Variants in ABCF1 observed in about 807,000 individuals in gnomAD.
ABCF1 encodes ATP binding cassette subfamily F member 1.
A neutral mutation model predicts 126.3 loss-of-function variants in ABCF1; 73 were observed. That is an observed-to-expected ratio of 0.58 (90% CI 0.48 to 0.70). The LOEUF (loss-of-function observed/expected upper bound fraction) is 0.70, where lower values mean the gene tolerates loss of function less well. Among genes scored for constraint, ABCF1 ranks in the 30% least tolerant of loss-of-function variants. ABCF1 has a pLI of 0.00. For missense variants in ABCF1, 786 were observed against 1,057.5 expected (o/e 0.74, Z 3.56); for synonymous variants, 345 against 396.4 (o/e 0.87, Z 1.54).
intron 6 of ABCF1, among the ~76,000 whole-genome samples, chr6:30,579,021 A>G (rs985129588): frequency 1.3e-5 from 2 of 151,992 alleles, no homozygotes; most frequent in East Asian, 1.9e-4. Context: ...AACAAAAAAA[A>G]CCATGCCATT....
intron 8 of ABCF1, 142 bp from the exon 9 acceptor site, chr6:30,582,252 T>G (rs1477604546): frequency 3.4e-6 from 2 of 583,022 alleles, no homozygotes; most frequent in Non-Finnish European, 6.2e-6. Context: ...GAGATGGGGT[T>G]TCACCATGTT....
intron 6 of ABCF1, among the ~76,000 whole-genome samples, chr6:30,579,565 C>A (rs1801696717): frequency 6.8e-6 from 1 of 146,554 alleles, no homozygotes; most frequent in Non-Finnish European, 1.5e-5. Context: ...TCAAGTGATT[C>A]TCCTGCCTCA....
chr6:30,586,514 G>GATAA lies in ABCF1; in HGVS notation c.1927_1928insTAAA (p.Asn643IlefsTer19). On this transcript the variant is annotated frameshift_variant, in exon 19 of 25. Coordinates refer to ENST00000326195, the MANE Select transcript of ABCF1 (RefSeq NM_001025091.2). LOFTEE classifies it high-confidence loss of function. The surrounding 1 kb of genome is among the most constrained non-coding windows in gnomAD (Gnocchi z 4.9). ...ACCAGGGACAGAAACCACTCTTTAAGAACTTGGATTTTGGCATCGACATGG... is the reference window on the plus strand; with the variant it reads ...ACCAGGGACAGAAACCACTCTTTAAGATAAAACTTGGATTTTGGCATCGACATGG... 3 of 1,613,410 alleles carry GATAA rather than the reference G, an allele frequency of 1.9e-6. No homozygotes were observed. Among genetic ancestry groups the GATAA allele is most frequent in the Non-Finnish European group, 2.5e-6 (3 of 1,180,044 alleles).
At chr6:30,585,531 A>G in intron 15 of ABCF1, 27 bp from the exon 16 acceptor site, 2 of 1,612,252 alleles carry the variant, frequency 1.2e-6, no homozygotes, top group Non-Finnish European at 8.5e-7. Context: ...CCACTGTGAC[A>G]CTTACACCCT....
Position 30,591,327 on chromosome 6 carries a change from G to C in ABCF1, c.*626G>C, listed in dbSNP as rs1465092534. Reference sequence around the variant, plus strand: ...GTTGCTGCCGACCTGTCACTGTTTGGAGATTGATGGGAGTTGGAACTGTTC... The same window carrying C: ...GTTGCTGCCGACCTGTCACTGTTTGCAGATTGATGGGAGTTGGAACTGTTC... On this transcript the variant is annotated 3_prime_UTR_variant, in exon 25 of 25. Transcript: ENST00000326195. The C allele has an allele frequency of 6.6e-6, 1 of 152,248 alleles. No homozygotes were observed. Among genetic ancestry groups the C allele is most frequent in the Non-Finnish European group, 1.5e-5 (1 of 68,092 alleles). 9.4% of individuals were successfully genotyped at this position (152,248 alleles called of 1,614,324 possible). A position where few individuals can be genotyped will look rare whatever the true frequency, so the allele number is the denominator to read the frequency against.
chr6:30,589,356 T>C, intron 20 of ABCF1: 1 of 370,218 alleles, frequency 2.7e-6, no homozygotes, highest in Non-Finnish European at 4.9e-6. Flanking sequence ...CTGGTGTTTG[T>C]CTCTCCTTCA....
In ABCF1 at chr6:30,586,322, T is replaced by C. The variant is rs775680418; in HGVS notation, c.1885+17T>C. ...GTCTGCATGGTGAGTGCCGCGGGCC[T>C]CTGCTGCTCCACAGGAAGCACCGGA... On this transcript the variant is annotated intron_variant, in intron 18 of 24. Transcript: ENST00000326195. The surrounding 1 kb of genome is among the most constrained non-coding windows in gnomAD (Gnocchi z 4.9). 1.2e-6 allele frequency: 2 copies of C among 1,601,092 alleles called. No homozygotes were observed. The highest frequency in any genetic ancestry group is 1.7e-6 in the Non-Finnish European group (2 of 1,173,286).
In ABCF1 at chr6:30,583,044, G is replaced by A. The variant is rs1319705373; in HGVS notation, c.793-22G>A. 6.3e-7 allele frequency: 1 copy of A among 1,595,838 alleles called. No individual in the cohort carries two copies. Among genetic ancestry groups the A allele is most frequent in the South Asian group, 1.1e-5 (1 of 90,534 alleles). ...AAACTGGTAGACTGTGGCTTCAAAT[G>A]TAGTTTTTCCTACCTTCTCAGATGG... is the stretch of plus-strand genomic sequence containing the variant. On this transcript the variant is annotated intron_variant, in intron 9 of 24. Transcript: ENST00000326195. This position sits in a 1 kb window ranked among gnomAD's most constrained non-coding sequence, Gnocchi z 4.1.
intron 16 of ABCF1, 70 bp downstream of exon 16, chr6:30,585,752 A>G (rs1802085099): frequency 1.3e-5 from 20 of 1,591,368 alleles, no homozygotes; most frequent in Non-Finnish European, 1.7e-5. Flanking sequence ...GGGAGGGCCT[A>G]TTTAGATAAA....
chr6:30,583,053 C>T lies in ABCF1; in HGVS notation c.793-13C>T. On this transcript the variant is annotated splice_polypyrimidine_tract_variant and intron_variant, in intron 9 of 24. Coordinates refer to ENST00000326195, the MANE Select transcript of ABCF1 (RefSeq NM_001025091.2). The surrounding 1 kb of genome is among the most constrained non-coding windows in gnomAD (Gnocchi z 4.1). ...GACTGTGGCTTCAAATGTAGTTTTT[C>T]CTACCTTCTCAGATGGAGTATGAGC... 6.3e-7 allele frequency: 1 copy of T among 1,596,590 alleles called. No individual in the cohort carries two copies. The highest frequency in any genetic ancestry group is 8.6e-7 in the Non-Finnish European group (1 of 1,167,114).
In ABCF1 at chr6:30,574,421, G is replaced by A. The variant is rs1197697266; in HGVS notation, c.73+2861G>A. Among the ~76,000 whole-genome samples the A allele has an allele frequency of 2.0e-5, 3 of 152,216 alleles. No homozygotes were observed. The highest frequency in any genetic ancestry group is 7.2e-5 in the African/African-American group (3 of 41,464). On this transcript the variant is annotated intron_variant, in intron 1 of 24. Transcript: ENST00000326195. This position sits in a 1 kb window ranked among gnomAD's most constrained non-coding sequence, Gnocchi z 4.3. ...CAAAATGTTGGGATTACAGGCGTGA[G>A]CCAGTGTGCCTGGCCACAAAAGAGA...
At position 30,586,303 on chromosome 6, in the gene ABCF1, A is replaced by G. The variant is rs148962845; in HGVS notation, c.1883A>G (p.His628Arg). Residue 628 changes from histidine (H) to arginine (R), a missense_variant and splice_region_variant, in exon 18 of 25, where the codon CAT becomes CGT. By Grantham distance (29) the His-to-Arg change is conservative. Coordinates refer to ENST00000326195, the MANE Select transcript of ABCF1 (RefSeq NM_001025091.2). The surrounding 1 kb of genome is among the most constrained non-coding windows in gnomAD (Gnocchi z 4.9). ...CTCAGCCCTCCAGTGCTGGGTCTGC[A>G]TGGTGAGTGCCGCGGGCCTCTGCTG... ...PPLSPPVLGL[H>R]GVTFGYQGQK... 7.7e-5 allele frequency: 124 copies of G among 1,606,138 alleles called. No individual in the cohort carries two copies. Among genetic ancestry groups the G allele is most frequent in the Non-Finnish European group, 1.0e-4 (120 of 1,175,982 alleles).
intron 1 of ABCF1, among the ~76,000 whole-genome samples, chr6:30,576,490 T>G (rs913612755): frequency 2.6e-5 from 4 of 151,974 alleles, no homozygotes; most frequent in African/African-American, 9.7e-5. Context: ...GGTTTCACCA[T>G]GTTCACCAGA....
In ABCF1 at chr6:30,590,745, C is replaced by T; in HGVS notation, c.*44C>T. 2 of 1,557,672 alleles carry T rather than the reference C, an allele frequency of 1.3e-6. No homozygotes were observed. The highest frequency in any genetic ancestry group is 1.7e-6 in the Non-Finnish European group (2 of 1,152,646). Reference sequence around the variant, plus strand: ...CTCCCGAGAGACATATTTGTGTGGCCTAGAAGTCCTCTGTGGTCTCCCCTC... The same window carrying T: ...CTCCCGAGAGACATATTTGTGTGGCTTAGAAGTCCTCTGTGGTCTCCCCTC... On this transcript the variant is annotated 3_prime_UTR_variant, in exon 25 of 25. Transcript: ENST00000326195.
chr6:30,590,519 C>G lies in ABCF1; in HGVS notation c.2372-16C>G. On this transcript the variant is annotated splice_polypyrimidine_tract_variant and intron_variant, in intron 24 of 24. Transcript: ENST00000326195. ...CCTTTCTTCCTGCCCTCTGTTGTTG[C>G]TATCTTTCTTCAAAGCTGTGATCGT... The G allele has an allele frequency of 3.7e-6, 6 of 1,604,684 alleles. No homozygotes were observed. Among genetic ancestry groups the G allele is most frequent in the Non-Finnish European group, 5.1e-6 (6 of 1,176,220 alleles).
At position 30,586,225 on chromosome 6, in the gene ABCF1, T is replaced by G. The variant is rs760449217; in HGVS notation, c.1805T>G (p.Leu602Arg). The G allele has an allele frequency of 1.2e-6, 2 of 1,614,124 alleles. No homozygotes were observed. The highest frequency in any genetic ancestry group is 1.1e-5 in the South Asian group (1 of 91,090). Residue 602 changes from leucine (L) to arginine (R), a missense_variant, in exon 18 of 25, where the codon CTG (leucine) becomes CGG (arginine). This residue lies in a region of ABCF1 where 288 missense variants were observed against 423.5 expected (regional missense o/e 0.68). Transcript: ENST00000326195. This position sits in a 1 kb window ranked among gnomAD's most constrained non-coding sequence, Gnocchi z 4.9. ...DEESQEAPEL[L>R]KRPKEYTVRF... is the part of the protein sequence containing the mutation. ...GAATCCCAGGAGGCCCCTGAGCTCC[T>G]GAAGCGCCCTAAGGAGTACACTGTG...
At position 30,584,630 on chromosome 6, in the gene ABCF1, C is replaced by G; in HGVS notation, c.1391+64C>G. 1 of 1,519,582 alleles carries G rather than the reference C, an allele frequency of 6.6e-7. No individual in the cohort carries two copies. The highest frequency in any genetic ancestry group is 8.8e-7 in the Non-Finnish European group (1 of 1,139,712). The allele number at this position is 1,519,582 out of a possible 1,614,324, so 94.1% of individuals were successfully genotyped here. On this transcript the variant is annotated intron_variant, in intron 14 of 24. Coordinates refer to ENST00000326195, the MANE Select transcript of ABCF1 (RefSeq NM_001025091.2). The surrounding 1 kb of genome is among the most constrained non-coding windows in gnomAD (Gnocchi z 4.6). ...GACCACCGGGGCCCTTTTCCTCTTT[C>G]CCTTCTCATTCTTCCAAGGCCAATA...
rs754968525 is a variant in ABCF1, at chr6:30,583,663, T to C, written c.971T>C (p.Leu324Pro). ...AAGGAGCTGTTCGTCAATGCAGACC[T>C]GTACATTGTAGCCGGCCGCCGCTAC... ...HGKELFVNAD[L>P]YIVAGRRYGL... The change falls in exon 11 of 25, where the codon CTG (leucine) becomes CCG (proline). Residue 324 changes from leucine (L) to proline (P), a missense_variant. Coordinates refer to ENST00000326195, the MANE Select transcript of ABCF1 (RefSeq NM_001025091.2). This position sits in a 1 kb window ranked among gnomAD's most constrained non-coding sequence, Gnocchi z 4.1. 6.2e-7 allele frequency: 1 copy of C among 1,613,978 alleles called. No individual in the cohort carries two copies. Among genetic ancestry groups the C allele is most frequent in the Non-Finnish European group, 8.5e-7 (1 of 1,179,898 alleles).
intron 6 of ABCF1, 140 bp downstream of exon 6, chr6:30,578,717 C>A: frequency 1.2e-6 from 1 of 845,972 alleles, no homozygotes; most frequent in Non-Finnish European, 1.9e-6. Context: ...GAATACATGC[C>A]CAGGCTGGGC....
Sources: gnomAD v4.1 joint callset for allele counts (sites outside exome capture counted in the v4.1 genomes callset) on GRCh38, gnomAD v4.1.1 for gene constraint, gnomAD v4.1.1 regional missense constraint, Gnocchi (gnomAD v3.1) non-coding constraint, MANE v1.5 for transcripts, NCBI Gene and HGNC (gene_info 2026-07-23, HGNC 2026-07-21) for gene names.